The following RAD18 variants were observed in gnomAD, a reference collection of about 807,000 sequenced individuals.
The protein encoded by RAD18 is RAD18 E3 ubiquitin protein ligase, also known as E3 ubiquitin-protein ligase RAD18.
RAD18 carries 47 observed loss-of-function variants against 60.4 expected under a neutral mutation model. The ratio of observed to expected loss-of-function variants is 0.78; its 90% CI spans 0.62 to 0.99. RAD18 has a LOEUF of 0.99. Ranked by LOEUF, RAD18 falls within the 50% of genes least tolerant of loss-of-function variation. The probability of loss-of-function intolerance (pLI) is 0.00; values close to 1 mark genes in which losing one functional copy is unlikely to be tolerated. For synonymous variants in RAD18, 225 were observed against 195.5 expected, an observed-to-expected ratio of 1.15 and a Z score of -1.26; for missense variants, 640 against 593.3, an observed-to-expected ratio of 1.08 and a Z score of -0.82.
rs185402767 is a variant in RAD18, at chr3:8,938,358, T to C, written c.704+1196A>G. ...TCAGAATCTGCATTCACTCCAAATT[T>C]ACTCATAAAAATTAAGTGATGTATT... On this transcript the variant is annotated intron_variant, in intron 6 of 12. Transcript: ENST00000264926. Among the ~76,000 whole-genome samples, 85 of 152,316 alleles carry C rather than the reference T, an allele frequency of 5.6e-4. No homozygotes were observed. The South Asian group carries it at 6.6e-3, about 12-fold the overall frequency.
intron 7 of RAD18, among the ~76,000 whole-genome samples, chr3:8,920,812 TAGATTGAAAG>T (rs1379206483): frequency 6.6e-6 from 1 of 152,194 alleles, no homozygotes; most frequent in East Asian, 1.9e-4. Context: ...GGAATTATTC[TAGATTGAAAG>T]AGATTGAAAA....
In RAD18 at chr3:8,879,906, T is replaced by C. The variant is rs1939429076; in HGVS notation, c.*1451A>G. 1.3e-5 allele frequency: 2 copies of C among 152,248 alleles called. No individual in the cohort carries two copies. Among genetic ancestry groups the C allele is most frequent in the Non-Finnish European group, 2.9e-5 (2 of 68,040 alleles). The allele number at this position is 152,248 out of a possible 1,614,324, so 9.4% of individuals were successfully genotyped here. On this transcript the variant is annotated 3_prime_UTR_variant, in exon 13 of 13. Transcript: ENST00000264926. ...ATTACTTCCAGTTTAATTTATAGAC[T>C]ATATAATTTGTCATGAAACAAACAG...
chr3:8,920,357 G>C (rs1363631853), intron 7 of RAD18, among the ~76,000 whole-genome samples: 2 of 150,976 alleles, frequency 1.3e-5, no homozygotes, highest in East Asian at 3.9e-4. Context: ...ATCATGCCAA[G>C]TATCAATTAG....
At position 8,890,523 on chromosome 3, in the gene RAD18, GA is replaced by G. The variant is rs1217282837; in HGVS notation, c.1323-73del. ...ATCGTCCCATTTATATAAAATTCTA[GA>G]AAAAAACAAATGAGTCTATAGTGAC... On this transcript the variant is annotated intron_variant, in intron 11 of 12. Transcript: ENST00000264926. 9 of 1,217,320 alleles carry G rather than the reference GA, an allele frequency of 7.4e-6. No homozygotes were observed. The South Asian group carries it at 7.9e-5, about 11-fold the overall frequency. 75.4% of individuals were successfully genotyped at this position (1,217,320 alleles called of 1,614,324 possible). A position where few individuals can be genotyped will look rare whatever the true frequency, so the allele number is the denominator to read the frequency against.
At chr3:8,913,597 A>T (rs368400044) in intron 8 of RAD18, 47 bp downstream of exon 8, 5 of 1,323,630 alleles carry the variant, frequency 3.8e-6, no homozygotes, top group Admixed American at 2.8e-5. Flanking sequence ...TAGGGTATTA[A>T]ACTTTCTTCA....
chr3:8,927,127 A>G (rs1043802594), intron 7 of RAD18, among the ~76,000 whole-genome samples: 1 of 152,242 alleles, frequency 6.6e-6, no homozygotes, highest in Non-Finnish European at 1.5e-5. Flanking sequence ...CAGGCAACCT[A>G]CAGAATGGGA....
intron 7 of RAD18, among the ~76,000 whole-genome samples, chr3:8,928,767 T>C (rs185009687): frequency 4.3e-4 from 65 of 152,280 alleles, no homozygotes; most frequent in Non-Finnish European, 7.6e-4. Flanking sequence ...TAAATTTACA[T>C]AGCATTTACA....
intron 11 of RAD18, among the ~76,000 whole-genome samples, chr3:8,891,075 A>AAAATATATATAT (rs1384962578): frequency 5.8e-4 from 15 of 25,972 alleles, no homozygotes; most frequent in African/African-American, 1.1e-3. Flanking sequence ...ATATATATAA[A>AAAATATATATAT]ATATATATAT....
chr3:8,919,856 A>G (rs370070712), intron 7 of RAD18, among the ~76,000 whole-genome samples: 4 of 148,894 alleles, frequency 2.7e-5, no homozygotes, highest in Admixed American at 6.7e-5. Context: ...ATGGGGGTGT[A>G]TGTCATGAGG....
intron 6 of RAD18, among the ~76,000 whole-genome samples, chr3:8,936,287 G>C (rs1008337835): frequency 6.6e-6 from 1 of 152,144 alleles, no homozygotes; most frequent in Non-Finnish European, 1.5e-5. Flanking sequence ...CACCAGAAGT[G>C]AGAGACTTGG....
intron 9 of RAD18, among the ~76,000 whole-genome samples, chr3:8,910,371 C>G (rs576074837): frequency 6.6e-6 from 1 of 152,068 alleles, no homozygotes; most frequent in Non-Finnish European, 1.5e-5. Context: ...GAGGCTGAGG[C>G]GGGCGGATCA....
intron 7 of RAD18, among the ~76,000 whole-genome samples, chr3:8,932,313 A>G (rs1474368713): frequency 1.3e-5 from 2 of 152,224 alleles, no homozygotes; most frequent in East Asian, 3.8e-4. Flanking sequence ...ATATATAAAT[A>G]ACTTACAAAT....
chr3:8,933,622 G>A (rs1940598731), intron 7 of RAD18, among the ~76,000 whole-genome samples: 2 of 152,126 alleles, frequency 1.3e-5, no homozygotes, highest in Non-Finnish European at 2.9e-5. Flanking sequence ...AAAAATATCA[G>A]AGAATAACTC....
intron 9 of RAD18, among the ~76,000 whole-genome samples, chr3:8,910,650 C>G (rs928412074): frequency 7.2e-5 from 11 of 151,744 alleles, no homozygotes; most frequent in Admixed American, 2.0e-4. Flanking sequence ...GAATTATAAC[C>G]ATCTTATGCA....
chr3:8,955,562 G>C (rs184340392), intron 2 of RAD18, among the ~76,000 whole-genome samples: 176 of 152,290 alleles, frequency 1.2e-3, no homozygotes, highest in Non-Finnish European at 2.0e-3. Flanking sequence ...CTGCCTAAGG[G>C]AATGGTTTCT....
intron 9 of RAD18, among the ~76,000 whole-genome samples, chr3:8,905,851 G>T (rs919041087): frequency 6.6e-6 from 1 of 152,040 alleles, no homozygotes; most frequent in South Asian, 2.1e-4. Flanking sequence ...CCTCTTAGTT[G>T]GCCTCACACT....
Position 8,902,524 on chromosome 3 carries a change from A to C in RAD18, c.1028-4T>G. ...AATTCACTCTTATGTTTTTTACCTG[A>C]AATTCAAAAGATCTTCTCAGTAAAG... On this transcript the variant is annotated splice_polypyrimidine_tract_variant and splice_region_variant and intron_variant, in intron 9 of 12. Coordinates refer to ENST00000264926, the MANE Select transcript of RAD18 (RefSeq NM_020165.4). 1 of 1,594,936 alleles carries C rather than the reference A, an allele frequency of 6.3e-7. No individual in the cohort carries two copies. The highest frequency in any genetic ancestry group is 8.5e-7 in the Non-Finnish European group (1 of 1,173,152).
intron 7 of RAD18, among the ~76,000 whole-genome samples, chr3:8,930,049 T>G (rs525708): frequency 0.68 from 103,835 of 152,044 alleles, 36,069 homozygotes; most frequent in Middle Eastern, 0.77. Context: ...ATTACCATAC[T>G]ACTCAGCAAT....
rs1939394652 is a variant in RAD18, at chr3:8,878,069, G to T, written c.*3288C>A. The T allele has an allele frequency of 6.6e-6, 1 of 152,318 alleles. No individual in the cohort carries two copies. The highest frequency in any genetic ancestry group is 1.5e-5 in the Non-Finnish European group (1 of 68,188). The allele number at this position is 152,318 out of a possible 1,614,324, so 9.4% of individuals were successfully genotyped here. A position where few individuals can be genotyped will look rare whatever the true frequency, so the allele number is the denominator to read the frequency against. On this transcript the variant is annotated 3_prime_UTR_variant, in exon 13 of 13. Coordinates refer to ENST00000264926, the MANE Select transcript of RAD18 (RefSeq NM_020165.4). Reference sequence around the variant, plus strand: ...GGGGATGGCGTCCTAGGCAAGGTAGGACTTTCCAGCAGGGCCAGCCGCAGT... The same window carrying T: ...GGGGATGGCGTCCTAGGCAAGGTAGTACTTTCCAGCAGGGCCAGCCGCAGT...
Sources: gnomAD v4.1 joint callset for allele counts (sites outside exome capture counted in the v4.1 genomes callset) on GRCh38, gnomAD v4.1.1 for gene constraint, MANE v1.5 for transcripts, NCBI Gene and HGNC (gene_info 2026-07-23, HGNC 2026-07-21) for gene names.